The following MTSS1 variants were observed in gnomAD, a reference collection of about 807,000 sequenced individuals.
MTSS1 encodes MTSS I-BAR domain containing 1, also known as protein MTSS 1.
A neutral mutation model predicts 79.0 loss-of-function variants in MTSS1; 18 were observed. The ratio of observed to expected loss-of-function variants is 0.23; its 90% CI spans 0.16 to 0.34. The LOEUF (loss-of-function observed/expected upper bound fraction) is 0.34. MTSS1 is among the 10% of genes least tolerant of loss of function. The pLI is 1.00. For synonymous variants in MTSS1, 341 were observed against 368.6 expected (o/e 0.93, Z 0.86); for missense variants, 815 against 986.2 (o/e 0.83, Z 2.33).
At chr8:124,589,927 G>C (rs1378136600) in intron 4 of MTSS1, among the ~76,000 whole-genome samples, 1 of 152,100 alleles carries the variant, frequency 6.6e-6, no homozygotes, top group African/African-American at 2.4e-5. Context: ...CGCGATCTCG[G>C]CTCACTGCAA....
chr8:124,602,722 G>A (rs969093009), intron 3 of MTSS1, among the ~76,000 whole-genome samples: 21 of 152,182 alleles, frequency 1.4e-4, no homozygotes, highest in African/African-American at 5.1e-4. Context: ...GGGTACATCA[G>A]CCTGGGGGTC....
chr8:124,704,180 T>G lies in MTSS1; in HGVS notation c.84A>C (p.Pro28=). ...TIISDMKGSY[P]VWEDFINKAG... is the part of the protein sequence containing the mutation. ...CTTTGTTTATGAAATCTTCCCAAAC[T>G]GGATAGCTCCCCTGCAACACATCAA... Residue 28 remains proline (P), a synonymous_variant, in exon 2 of 14, where the codon CCA becomes CCC. Coordinates refer to ENST00000518547, the MANE Select transcript of MTSS1 (RefSeq NM_014751.6). 1 of 1,613,984 alleles carries G rather than the reference T, an allele frequency of 6.2e-7. No individual in the cohort carries two copies.
intron 3 of MTSS1, among the ~76,000 whole-genome samples, chr8:124,627,635 T>C (rs1814961387): frequency 6.6e-6 from 1 of 152,106 alleles, no homozygotes; most frequent in Admixed American, 6.5e-5. Flanking sequence ...CACGATGGGA[T>C]CATAGACTAA....
chr8:124,681,745 G>C (rs1402117948), intron 3 of MTSS1, among the ~76,000 whole-genome samples: 1 of 152,188 alleles, frequency 6.6e-6, no homozygotes, highest in Admixed American at 6.5e-5. Flanking sequence ...CCGAGATCAT[G>C]CCATTGCACT....
At chr8:124,724,063 T>C (rs150609727) in intron 1 of MTSS1, among the ~76,000 whole-genome samples, 1 of 152,204 alleles carries the variant, frequency 6.6e-6, no homozygotes, top group African/African-American at 2.4e-5. Flanking sequence ...GCAAAAGGCC[T>C]TCTACACAAT....
intron 1 of MTSS1, among the ~76,000 whole-genome samples, chr8:124,711,528 G>A (rs1831163045): frequency 6.6e-6 from 1 of 152,166 alleles, no homozygotes; most frequent in Non-Finnish European, 1.5e-5. Flanking sequence ...CCCCAGGGCT[G>A]CAAAGAGTGG....
chr8:124,671,101 G>T (rs184329017), intron 3 of MTSS1, among the ~76,000 whole-genome samples: 52 of 151,708 alleles, frequency 3.4e-4, no homozygotes, highest in Admixed American at 3.1e-3. Context: ...GCTCATTGGG[G>T]TAGATTGCTC....
chr8:124,611,046 C>T lies in MTSS1; in HGVS notation c.209-19811G>A, dbSNP rs1835700098. On this transcript the variant is annotated intron_variant, in intron 3 of 13. Transcript: ENST00000518547. ...AACCCACAGCCAGGTGCCTTGTATC[C>T]ACATGCTGTAGAAACAGTGCACGTG... 4.0e-5 allele frequency among the ~76,000 whole-genome samples: 6 copies of T among 151,636 alleles called. No homozygotes were observed. In the South Asian group the frequency reaches 1.0e-3, roughly 26 times the overall value.
chr8:124,608,038 C>G (rs1468990492), intron 3 of MTSS1, among the ~76,000 whole-genome samples: 1 of 152,018 alleles, frequency 6.6e-6, no homozygotes, highest in African/African-American at 2.4e-5. Context: ...AACATTTTCC[C>G]AGTCTTGCCC....
At chr8:124,650,441 T>C (rs1563932339) in intron 3 of MTSS1, among the ~76,000 whole-genome samples, 1 of 152,154 alleles carries the variant, frequency 6.6e-6, no homozygotes, top group Non-Finnish European at 1.5e-5. Context: ...TGGACAAGAA[T>C]GAGATCATCC....
intron 3 of MTSS1, among the ~76,000 whole-genome samples, chr8:124,624,125 C>T (rs775586149): frequency 6.6e-6 from 1 of 152,222 alleles, no homozygotes; most frequent in Non-Finnish European, 1.5e-5. Flanking sequence ...CCCCATTTCA[C>T]TCACGCTCCT....
intron 1 of MTSS1, among the ~76,000 whole-genome samples, chr8:124,720,260 C>T (rs1257238226): frequency 6.6e-6 from 1 of 152,176 alleles, no homozygotes; most frequent in Non-Finnish European, 1.5e-5. Context: ...ACATAGCGGG[C>T]CACTTAGCTG....
chr8:124,640,399 C>CT (rs746086411), intron 3 of MTSS1, among the ~76,000 whole-genome samples: 3 of 152,232 alleles, frequency 2.0e-5, no homozygotes, highest in Non-Finnish European at 2.9e-5. Context: ...AAGGCCTTCT[C>CT]TTTAGAGTGG....
chr8:124,555,936 G>A, intron 12 of MTSS1, 32 bp from the exon 13 acceptor site: 2 of 1,566,674 alleles, frequency 1.3e-6, no homozygotes, highest in Non-Finnish European at 1.7e-6. Context: ...TACACAGGTT[G>A]CTTTAGGGGG....
chr8:124,573,757 T>C (rs1261116262), intron 6 of MTSS1, among the ~76,000 whole-genome samples: 1 of 152,246 alleles, frequency 6.6e-6, no homozygotes, highest in African/African-American at 2.4e-5. Flanking sequence ...AAGAATTGCT[T>C]TCGGCTTTCT....
At chr8:124,692,941 A>G (rs1741793514) in intron 3 of MTSS1, among the ~76,000 whole-genome samples, 1 of 152,090 alleles carries the variant, frequency 6.6e-6, no homozygotes, top group Non-Finnish European at 1.5e-5. Context: ...GGTGTCTCCA[A>G]TCTGGTGGGG....
chr8:124,621,767 T>G (rs565960742), intron 3 of MTSS1, among the ~76,000 whole-genome samples: 7 of 152,190 alleles, frequency 4.6e-5, no homozygotes, highest in Non-Finnish European at 1.0e-4. Flanking sequence ...CAGGCTGGTC[T>G]TGAACTCCTG....
intron 3 of MTSS1, among the ~76,000 whole-genome samples, chr8:124,688,257 G>A (rs1051497962): frequency 6.6e-6 from 1 of 151,954 alleles, no homozygotes; most frequent in Non-Finnish European, 1.5e-5. Context: ...GCGTGTGTGT[G>A]TGCATGTGTA....
In MTSS1 at chr8:124,552,032, A is replaced by C. The variant is rs1822602192; in HGVS notation, c.*960T>G. ...AGTAAAAGGCATTTACTATAATCTA[A>C]GAATTCCCTGCTATTATCATTTTTA... is the stretch of plus-strand genomic sequence containing the variant. On this transcript the variant is annotated 3_prime_UTR_variant, in exon 14 of 14. Coordinates refer to ENST00000518547, the MANE Select transcript of MTSS1 (RefSeq NM_014751.6). The C allele has an allele frequency of 6.5e-6, 1 of 152,702 alleles. No homozygotes were observed. The highest frequency in any genetic ancestry group is 2.4e-5 in the African/African-American group (1 of 41,472). 9.5% of individuals were successfully genotyped at this position (152,702 alleles called of 1,614,324 possible). A position where few individuals can be genotyped will look rare whatever the true frequency, so the allele number is the denominator to read the frequency against.
Sources: allele counts gnomAD v4.1 joint callset (sites outside exome capture counted in the v4.1 genomes callset), GRCh38; gene constraint gnomAD v4.1.1; transcripts MANE v1.5; gene names NCBI Gene and HGNC (gene_info 2026-07-23, HGNC 2026-07-21).